CD44: variants seen among roughly 807,000 people sequenced by gnomAD.
The protein encoded by CD44 is CD44 molecule (IN blood group).
A neutral mutation model predicts 88.8 loss-of-function variants in CD44; 49 were observed. The ratio of observed to expected loss-of-function variants is 0.55; its 90% confidence interval spans 0.44 to 0.70. CD44 has a LOEUF of 0.70. Among genes scored for constraint, CD44 ranks in the 30% least tolerant of loss-of-function variants. CD44 has a pLI of 0.00. For synonymous variants in CD44, 325 were observed against 312.3 expected (o/e 1.04, Z -0.43); for missense variants, 883 against 913.8 (o/e 0.97, Z 0.43).
chr11:35,151,486 G>A (rs1590910839), intron 1 of CD44, among the ~76,000 whole-genome samples: 1 of 152,144 alleles, frequency 6.6e-6, no homozygotes, highest in Admixed American at 6.5e-5. Context: ...ACCTACTGTG[G>A]CAATAGCAAA....
chr11:35,211,070 G>T (rs980429238), intron 13 of CD44, among the ~76,000 whole-genome samples, 176 bp from the exon 14 acceptor site: 2 of 152,202 alleles, frequency 1.3e-5, no homozygotes, highest in African/African-American at 4.8e-5. Context: ...TGTCCAAGTA[G>T]TGTCTATTGC....
intron 17 of CD44, 54 bp downstream of exon 17, chr11:35,221,786 G>A: frequency 1.4e-6 from 2 of 1,460,672 alleles, no homozygotes; most frequent in Non-Finnish European, 1.9e-6. Flanking sequence ...TTTAAACCTG[G>A]GCTTTATATC....
intron 1 of CD44, among the ~76,000 whole-genome samples, chr11:35,143,106 A>G (rs1315763322): frequency 6.6e-6 from 1 of 152,100 alleles, no homozygotes; most frequent in Non-Finnish European, 1.5e-5. Context: ...TTACAGTTTT[A>G]TATATTACTC....
intron 13 of CD44, 84 bp downstream of exon 13, chr11:35,210,138 G>A: frequency 1.4e-6 from 1 of 725,280 alleles, no homozygotes; most frequent in Non-Finnish European, 2.2e-6. Context: ...TTTGGTGGAG[G>A]TGCATCCATT....
intron 15 of CD44, among the ~76,000 whole-genome samples, chr11:35,217,023 G>A (rs1739286759): frequency 6.6e-6 from 1 of 152,198 alleles, no homozygotes; most frequent in African/African-American, 2.4e-5. Flanking sequence ...AATATCAAGT[G>A]CTCCTCTTTG....
At chr11:35,185,228 C>A (rs1464418968) in intron 3 of CD44, among the ~76,000 whole-genome samples, 1 of 152,060 alleles carries the variant, frequency 6.6e-6, no homozygotes, top group Admixed American at 6.5e-5. Context: ...TAAGGAATGG[C>A]CTCGCCAAGG....
At chr11:35,213,460 G>C (rs557911080) in intron 14 of CD44, 2 of 152,352 alleles carry the variant, frequency 1.3e-5, no homozygotes, top group African/African-American at 4.8e-5. Flanking sequence ...AGACCAGCCT[G>C]GCCAACATGG....
At chr11:35,163,742 A>G (rs1382836803) in intron 1 of CD44, among the ~76,000 whole-genome samples, 1 of 152,148 alleles carries the variant, frequency 6.6e-6, no homozygotes. Flanking sequence ...CTAAATGTGC[A>G]TGGTATTAGC....
chr11:35,225,488 A>T (rs1029514416), intron 17 of CD44, among the ~76,000 whole-genome samples: 12 of 152,210 alleles, frequency 7.9e-5, no homozygotes, highest in African/African-American at 2.4e-4. Context: ...GGTAAGACAC[A>T]GATCCATGAG....
chr11:35,210,869 A>C, intron 13 of CD44: 1 of 171,878 alleles, frequency 5.8e-6, no homozygotes, highest in East Asian at 1.7e-4. Flanking sequence ...TTATCTTTCA[A>C]TCCAATGATA....
chr11:35,157,934 G>C (rs558232843), intron 1 of CD44, among the ~76,000 whole-genome samples: 12 of 152,130 alleles, frequency 7.9e-5, no homozygotes, highest in Non-Finnish European at 1.5e-4. Context: ...ACGTGTTTAG[G>C]GCAGCTCTCT....
intron 17 of CD44, among the ~76,000 whole-genome samples, chr11:35,223,950 T>C (rs1591351592): frequency 6.6e-6 from 1 of 152,230 alleles, no homozygotes; most frequent in Non-Finnish European, 1.5e-5. Flanking sequence ...GAGTGGCTCC[T>C]GTGACTACCA....
At chr11:35,203,490 T>C (rs1947509100) in intron 9 of CD44, among the ~76,000 whole-genome samples, 1 of 152,172 alleles carries the variant, frequency 6.6e-6, no homozygotes, top group African/African-American at 2.4e-5. Context: ...AAACTTAAGA[T>C]TTTGGCTTTT....
chr11:35,195,548 A>AT (rs1413736451), intron 5 of CD44, among the ~76,000 whole-genome samples: 2 of 151,886 alleles, frequency 1.3e-5, no homozygotes, highest in Non-Finnish European at 2.9e-5. Flanking sequence ...TTCTTGGTTC[A>AT]TTTTTGGGCT....
chr11:35,190,154 AT>A (rs1946129123), intron 5 of CD44, 89 bp downstream of exon 5: 1 of 1,144,776 alleles, frequency 8.7e-7, no homozygotes, highest in South Asian at 1.3e-5. Flanking sequence ...TCACGTGCTG[AT>A]TTTCTCGTCT....
chr11:35,172,909 T>A (rs548369548), intron 1 of CD44, among the ~76,000 whole-genome samples: 2 of 152,004 alleles, frequency 1.3e-5, no homozygotes, highest in Non-Finnish European at 2.9e-5. Context: ...TTCATGGAAC[T>A]TTTGGAAGAC....
chr11:35,189,405 T>G (rs1408095541), intron 4 of CD44, among the ~76,000 whole-genome samples: 1 of 152,240 alleles, frequency 6.6e-6, no homozygotes, highest in African/African-American at 2.4e-5. Context: ...ATGGAATTAA[T>G]AGCAACACAT....
chr11:35,141,478 C>T (rs1324414055), intron 1 of CD44, among the ~76,000 whole-genome samples: 1 of 152,076 alleles, frequency 6.6e-6, no homozygotes, highest in Non-Finnish European at 1.5e-5. Context: ...AAGAAGAGGG[C>T]CCTGGTGGTT....
At chr11:35,214,758 G>A in intron 14 of CD44, 94 bp from the exon 15 acceptor site, 1 of 634,860 alleles carries the variant, frequency 1.6e-6, no homozygotes, top group Admixed American at 3.7e-5. Flanking sequence ...ACTAAACTTT[G>A]TGATAGGCTG....
Sources: allele counts gnomAD v4.1 joint callset (sites outside exome capture counted in the v4.1 genomes callset), GRCh38; gene constraint gnomAD v4.1.1; transcripts MANE v1.5; gene names NCBI Gene and HGNC (gene_info 2026-07-23, HGNC 2026-07-21).